The following RP1 variants were observed in gnomAD, a reference collection of about 807,000 sequenced individuals.
RP1 encodes oxygen-regulated protein 1.
Under a neutral mutation model 14.8 loss-of-function variants are expected in RP1, and 16 were observed. The observed-to-expected ratio is 1.08, with a 90% confidence interval of 0.73 to 1.65. RP1 has a LOEUF of 1.65. RP1 is among the 40% of genes most tolerant of loss of function. RP1 has a pLI of 0.00. For synonymous variants in RP1, 876 were observed against 883.6 expected (o/e 0.99, Z 0.15); for missense variants, 2,631 against 2,535.0 (o/e 1.04, Z -0.81).
chr8:54,720,247 C>A, exon 16 of RP1: 4 of 1,535,914 alleles, frequency 2.6e-6, no homozygotes, highest in Non-Finnish European at 3.5e-6. Flanking sequence ...GATGGGCAGG[C>A]AAAACCAATG....
At chr8:54,674,763 A>G (rs1378277689) in intron 8 of RP1, among the ~76,000 whole-genome samples, 1 of 152,148 alleles carries the variant, frequency 6.6e-6, no homozygotes, top group African/African-American at 2.4e-5. Context: ...ATTAATAAAA[A>G]TATGACCAAT....
At chr8:54,607,071 G>A (rs1484287711) in intron 1 of RP1, among the ~76,000 whole-genome samples, 1 of 152,142 alleles carries the variant, frequency 6.6e-6, no homozygotes, top group Non-Finnish European at 1.5e-5. Flanking sequence ...ATCCAGCTTT[G>A]TTCCATTGCT....
intron 19 of RP1, among the ~76,000 whole-genome samples, chr8:54,745,556 G>T (rs2129361607): frequency 6.6e-6 from 1 of 152,258 alleles, no homozygotes; most frequent in African/African-American, 2.4e-5. Context: ...TCAGCAGGGG[G>T]AGCTCAGCAA....
intron 1 of RP1, among the ~76,000 whole-genome samples, chr8:54,577,701 A>T (rs1804691924): frequency 6.6e-6 from 1 of 152,170 alleles, no homozygotes; most frequent in Non-Finnish European, 1.5e-5. Flanking sequence ...ATATACTGTG[A>T]TATCCTCCTC....
At chr8:54,585,491 C>G (rs566118520) in intron 1 of RP1, among the ~76,000 whole-genome samples, 6 of 152,078 alleles carry the variant, frequency 3.9e-5, no homozygotes, top group Admixed American at 6.5e-5. Context: ...TTGCTCTTCT[C>G]GAAGAGTATC....
intron 7 of RP1, among the ~76,000 whole-genome samples, chr8:54,664,232 A>C (rs573375538): frequency 4.6e-4 from 70 of 152,226 alleles, no homozygotes; most frequent in Non-Finnish European, 8.1e-4. Context: ...CTTTCTTTTT[A>C]AGGCTGAATA....
At chr8:54,670,504 TAC>T (rs1397078612) in intron 7 of RP1, among the ~76,000 whole-genome samples, 13 of 57,756 alleles carry the variant, frequency 2.3e-4, no homozygotes, top group African/African-American at 5.3e-4. Flanking sequence ...TGTATATATA[TAC>T]ACATATATAT....
chr8:54,866,000 C>A, intron 28 of RP1: 1 of 525,842 alleles, frequency 1.9e-6, no homozygotes, highest in East Asian at 3.5e-5. Flanking sequence ...TGCCTCATCC[C>A]AGCTGTTGGA....
At chr8:54,764,434 A>G (rs951509125) in intron 22 of RP1, among the ~76,000 whole-genome samples, 1 of 152,246 alleles carries the variant, frequency 6.6e-6, no homozygotes. Flanking sequence ...AGTTGACAAA[A>G]GATGCGTCAC....
intron 19 of RP1, among the ~76,000 whole-genome samples, chr8:54,748,306 G>A (rs1809278027): frequency 6.6e-6 from 1 of 152,190 alleles, no homozygotes; most frequent in South Asian, 2.1e-4. Context: ...AAGAAAAATA[G>A]TTTGTTTTTG....
chr8:54,785,271 G>A (rs137890172), intron 24 of RP1, among the ~76,000 whole-genome samples: 7 of 152,182 alleles, frequency 4.6e-5, no homozygotes, highest in Admixed American at 2.6e-4. Context: ...GCAACATGGA[G>A]TATTTTTGTC....
chr8:54,796,856 G>A (rs980462129), intron 24 of RP1, among the ~76,000 whole-genome samples: 4 of 152,208 alleles, frequency 2.6e-5, no homozygotes, highest in African/African-American at 9.7e-5. Context: ...TCACAGAAAT[G>A]AGGAACGAAA....
intron 6 of RP1, among the ~76,000 whole-genome samples, chr8:54,657,028 T>C (rs1806767488): frequency 6.6e-6 from 1 of 152,164 alleles, no homozygotes; most frequent in African/African-American, 2.4e-5. Flanking sequence ...TGATGATTCC[T>C]TTGTGGTTTT....
intron 1 of RP1, among the ~76,000 whole-genome samples, chr8:54,607,820 T>C (rs1034727756): frequency 4.6e-5 from 7 of 152,224 alleles, no homozygotes; most frequent in African/African-American, 1.7e-4. Context: ...AGCGAGGCTC[T>C]GTGGGCATAG....
intron 7 of RP1, among the ~76,000 whole-genome samples, chr8:54,669,627 C>T (rs1022717099): frequency 6.6e-6 from 1 of 152,086 alleles, no homozygotes; most frequent in Non-Finnish European, 1.5e-5. Context: ...GGAACCAACC[C>T]AAATGTCCAT....
At chr8:54,768,433 T>C (rs1809819169) in intron 22 of RP1, among the ~76,000 whole-genome samples, 1 of 152,212 alleles carries the variant, frequency 6.6e-6, no homozygotes, top group Non-Finnish European at 1.5e-5. Context: ...GTTTCTTCTC[T>C]CTTTTGTTTT....
chr8:54,843,122 ACT>A (rs1371721965), intron 25 of RP1, among the ~76,000 whole-genome samples: 1 of 151,354 alleles, frequency 6.6e-6, no homozygotes, highest in Non-Finnish European at 1.5e-5. Flanking sequence ...TTTCAGCTCC[ACT>A]CTCTGGGTTC....
chr8:54,846,141 G>A (rs758679192), intron 25 of RP1, among the ~76,000 whole-genome samples: 1 of 152,114 alleles, frequency 6.6e-6, no homozygotes, highest in Non-Finnish European at 1.5e-5. Context: ...AATATGAGAT[G>A]ACCGTTACAA....
intron 1 of RP1, among the ~76,000 whole-genome samples, chr8:54,601,748 A>G (rs1301629460): frequency 6.6e-6 from 1 of 152,228 alleles, no homozygotes; most frequent in African/African-American, 2.4e-5. Flanking sequence ...ATATTTGAAA[A>G]TAATAAGGAA....
Sources: gnomAD v4.1 joint callset for allele counts (sites outside exome capture counted in the v4.1 genomes callset) on GRCh38, gnomAD v4.1.1 for gene constraint, MANE v1.5 for transcripts, NCBI Gene and HGNC (gene_info 2026-07-23, HGNC 2026-07-21) for gene names.